The following RBPMS variants were observed in gnomAD, a reference collection of about 807,000 sequenced individuals.
RBPMS encodes RNA binding protein, mRNA processing factor, also known as RNA-binding protein with multiple splicing.
RBPMS carries 7 observed loss-of-function variants against 26.8 expected under a neutral mutation model. The ratio of observed to expected loss-of-function variants is 0.26; its 90% CI spans 0.15 to 0.49. The LOEUF is 0.49. RBPMS is among the 20% of genes least tolerant of loss of function. RBPMS has a pLI of 0.98. For missense variants in RBPMS, 186 were observed against 250.0 expected, an observed-to-expected ratio of 0.74 and a Z score of 1.73; for synonymous variants, 96 against 93.3, an observed-to-expected ratio of 1.03 and a Z score of -0.17.
intron 5 of RBPMS, among the ~76,000 whole-genome samples, chr8:30,516,950 T>C (rs563442015): frequency 1.6e-3 from 203 of 127,424 alleles, no homozygotes; most frequent in Non-Finnish European, 2.8e-3. Context: ...CTCATGTGAA[T>C]TGATTTTTTT....
intron 5 of RBPMS, among the ~76,000 whole-genome samples, chr8:30,514,400 T>C (rs13251659): frequency 0.19 from 28,869 of 152,058 alleles, 3,369 homozygotes; most frequent in Middle Eastern, 0.32. Flanking sequence ...TCTTGAAAAA[T>C]TGTGAGATGT....
At position 30,506,892 on chromosome 8, in the gene RBPMS, C is replaced by T. The variant is rs147625149; in HGVS notation, c.397+2456C>T. Among the ~76,000 whole-genome samples the T allele has an allele frequency of 9.8e-3, 1,492 of 152,246 alleles. 21 individuals carry two copies. The highest frequency in any genetic ancestry group is 0.034 in the African/African-American group (1,397 of 41,532). On this transcript the variant is annotated intron_variant, in intron 5 of 8. Coordinates refer to ENST00000397323, the MANE Select transcript of RBPMS (RefSeq NM_001008710.3). ...AATATATGAACTTAATGAACTTAAA[C>T]GAGCACCCAATGTGCTAGACCCTGG...
chr8:30,513,466 G>C (rs1017950645), intron 5 of RBPMS, among the ~76,000 whole-genome samples: 5 of 151,668 alleles, frequency 3.3e-5, no homozygotes, highest in African/African-American at 1.2e-4. Flanking sequence ...GCAGGCGCCT[G>C]TGGTCCCAGC....
chr8:30,529,997 C>T (rs994489731), intron 5 of RBPMS, among the ~76,000 whole-genome samples: 4 of 152,096 alleles, frequency 2.6e-5, no homozygotes, highest in African/African-American at 4.8e-5. Flanking sequence ...TCAGGTAATC[C>T]GCCCACCTCG....
At chr8:30,569,105 A>G (rs1258606883) in intron 8 of RBPMS, among the ~76,000 whole-genome samples, 1 of 152,178 alleles carries the variant, frequency 6.6e-6, no homozygotes, top group African/African-American at 2.4e-5. Context: ...GCAGCTACCC[A>G]TGGAGGCTCA....
chr8:30,419,194 C>T (rs1010041723), intron 1 of RBPMS, among the ~76,000 whole-genome samples: 3 of 152,018 alleles, frequency 2.0e-5, no homozygotes, highest in African/African-American at 7.2e-5. Flanking sequence ...GCCTATAATC[C>T]TAGCACTTTG....
chr8:30,385,005 C>A lies in RBPMS; in HGVS notation c.-88C>A. 1.9e-6 allele frequency: 2 copies of A among 1,058,104 alleles called. No homozygotes were observed. The highest frequency in any genetic ancestry group is 1.7e-5 in the African/African-American group (1 of 58,592). 65.5% of individuals were successfully genotyped at this position (1,058,104 alleles called of 1,614,324 possible). ...CGGCGCCCGCCCGAGGGAGCCCCGG[C>A]GCCCGGGGAAGGCTCCAGTGGGCTA... On this transcript the variant is annotated 5_prime_UTR_variant, in exon 1 of 9. Transcript: ENST00000397323.
At chr8:30,415,242 A>T (rs923586679) in intron 1 of RBPMS, among the ~76,000 whole-genome samples, 2 of 151,992 alleles carry the variant, frequency 1.3e-5, no homozygotes, top group Non-Finnish European at 2.9e-5. Context: ...TACTTTCCAA[A>T]TATCTCTCAA....
chr8:30,430,168 C>A (rs1403678144), intron 1 of RBPMS, among the ~76,000 whole-genome samples: 2 of 152,078 alleles, frequency 1.3e-5, no homozygotes, highest in Non-Finnish European at 2.9e-5. Flanking sequence ...CCCAGCTACT[C>A]GTGATCATGC....
intron 5 of RBPMS, among the ~76,000 whole-genome samples, chr8:30,539,940 C>A (rs917120447): frequency 2.0e-5 from 3 of 152,114 alleles, no homozygotes; most frequent in Non-Finnish European, 4.4e-5. Context: ...TGGTTGATTT[C>A]TTGATATTGT....
intron 6 of RBPMS, chr8:30,545,394 T>C: frequency 9.1e-7 from 1 of 1,098,864 alleles, no homozygotes; most frequent in Non-Finnish European, 1.1e-6. Flanking sequence ...GTAATCAGTG[T>C]AAAGATTCAC....
chr8:30,437,790 C>CAAA (rs11290191), intron 1 of RBPMS, among the ~76,000 whole-genome samples: 2 of 106,238 alleles, frequency 1.9e-5, no homozygotes, highest in African/African-American at 7.7e-5. Flanking sequence ...GACTCCATCT[C>CAAA]AAAAAAAAAA....
At chr8:30,429,820 G>C (rs1811736050) in intron 1 of RBPMS, among the ~76,000 whole-genome samples, 1 of 152,140 alleles carries the variant, frequency 6.6e-6, no homozygotes, top group Admixed American at 6.5e-5. Flanking sequence ...AGTCCAATTT[G>C]TGACTGTTTA....
At chr8:30,466,389 T>C (rs1262446778) in intron 1 of RBPMS, among the ~76,000 whole-genome samples, 1 of 151,962 alleles carries the variant, frequency 6.6e-6, no homozygotes, top group Non-Finnish European at 1.5e-5. Flanking sequence ...AAAATAAACA[T>C]AATAAGATTA....
chr8:30,478,501 ATTTT>A (rs199724683), intron 3 of RBPMS, among the ~76,000 whole-genome samples: 1 of 139,776 alleles, frequency 7.2e-6, no homozygotes, highest in Non-Finnish European at 1.6e-5. Context: ...TAAGAATATG[ATTTT>A]TTTTTTTTTT....
intron 1 of RBPMS, among the ~76,000 whole-genome samples, chr8:30,430,373 T>C (rs1302882207): frequency 6.6e-6 from 1 of 152,212 alleles, no homozygotes; most frequent in African/African-American, 2.4e-5. Context: ...TTCTATTCTG[T>C]AACATGGAAC....
At chr8:30,455,199 T>C (rs531075710) in intron 1 of RBPMS, among the ~76,000 whole-genome samples, 4 of 152,374 alleles carry the variant, frequency 2.6e-5, no homozygotes, top group African/African-American at 9.6e-5. Flanking sequence ...AGGGAGTCTT[T>C]TCCTCTTAAA....
chr8:30,412,914 C>T (rs1397539612), intron 1 of RBPMS, among the ~76,000 whole-genome samples: 1 of 152,122 alleles, frequency 6.6e-6, no homozygotes, highest in Non-Finnish European at 1.5e-5. Flanking sequence ...AGTATAATGA[C>T]ATCGATTTAG....
chr8:30,559,660 T>C (rs1827276199), intron 7 of RBPMS, among the ~76,000 whole-genome samples: 1 of 152,236 alleles, frequency 6.6e-6, no homozygotes, highest in Non-Finnish European at 1.5e-5. Context: ...AGTATGTGAA[T>C]TTGGAGAGTC....
Sources: allele counts gnomAD v4.1 joint callset (sites outside exome capture counted in the v4.1 genomes callset), GRCh38; gene constraint gnomAD v4.1.1; transcripts MANE v1.5; gene names NCBI Gene and HGNC (gene_info 2026-07-23, HGNC 2026-07-21).